Variants in KCNK2 observed in about 807,000 individuals in gnomAD.
The protein encoded by KCNK2 is potassium channel subfamily K member 2.
KCNK2 carries 21 observed loss-of-function variants against 40.5 expected under a neutral mutation model. The observed-to-expected ratio is 0.52, with a 90% CI of 0.37 to 0.75. The LOEUF (loss-of-function observed/expected upper bound fraction) is 0.75. Among genes scored for constraint, KCNK2 ranks in the 30% least tolerant of loss-of-function variants. KCNK2 has a pLI of 0.00. For missense variants in KCNK2, 399 were observed against 531.6 expected (o/e 0.75, Z 2.45); for synonymous variants, 191 against 202.2 (o/e 0.94, Z 0.47).
At chr1:215,175,705 G>A (rs2102642443) in intron 5 of KCNK2, among the ~76,000 whole-genome samples, 1 of 152,154 alleles carries the variant, frequency 6.6e-6, no homozygotes, top group South Asian at 2.1e-4. Flanking sequence ...TTATGTCCAT[G>A]AGTACCCATT....
chr1:215,119,606 T>C (rs1433253275), intron 2 of KCNK2, among the ~76,000 whole-genome samples: 1 of 152,254 alleles, frequency 6.6e-6, no homozygotes, highest in East Asian at 1.9e-4. Context: ...TCTTTTACTG[T>C]TTCTGTGGCA....
At chr1:215,177,740 A>ATGTTTTTTT (rs71167812) in intron 5 of KCNK2, among the ~76,000 whole-genome samples, 1 of 101,600 alleles carries the variant, frequency 9.8e-6, no homozygotes, top group Non-Finnish European at 2.0e-5. Context: ...ATATATATAT[A>ATGTTTTTTT]TTTTTTTTTT....
intron 1 of KCNK2, among the ~76,000 whole-genome samples, chr1:215,026,271 T>C (rs1275301872): frequency 6.6e-6 from 1 of 152,072 alleles, no homozygotes; most frequent in Non-Finnish European, 1.5e-5. Context: ...GTCATCTGCA[T>C]TGCAAACATG....
chr1:215,090,133 A>G (rs1206491688), intron 2 of KCNK2, among the ~76,000 whole-genome samples: 1 of 152,108 alleles, frequency 6.6e-6, no homozygotes, highest in Non-Finnish European at 1.5e-5. Context: ...GCCTGTTTAA[A>G]TTTTAAGAGC....
intron 3 of KCNK2, among the ~76,000 whole-genome samples, chr1:215,142,024 A>G (rs1662196201): frequency 6.6e-6 from 1 of 151,770 alleles, no homozygotes; most frequent in South Asian, 2.1e-4. Flanking sequence ...TTTTTTCTGT[A>G]ATTCTGGGAA....
intron 3 of KCNK2, among the ~76,000 whole-genome samples, chr1:215,155,805 C>T (rs1662894398): frequency 6.6e-6 from 1 of 152,166 alleles, no homozygotes; most frequent in African/African-American, 2.4e-5. Flanking sequence ...AGGCATGAAC[C>T]ACCACGCCAG....
chr1:215,235,255 C>A lies in KCNK2; in HGVS notation c.*110C>A. 1 of 848,314 alleles carries A rather than the reference C, an allele frequency of 1.2e-6. No individual in the cohort carries two copies. The highest frequency in any genetic ancestry group is 1.8e-6 in the Non-Finnish European group (1 of 550,338). The allele number at this position is 848,314 out of a possible 1,614,324, so 52.5% of individuals were successfully genotyped here. ...ATTGTGCATGAGCTCAAAGGGGGAA[C>A]AAAATAGATACACCCATCATGGTCA... On this transcript the variant is annotated 3_prime_UTR_variant, in exon 7 of 7. Coordinates refer to ENST00000444842, the MANE Select transcript of KCNK2 (RefSeq NM_001017425.3).
intron 2 of KCNK2, among the ~76,000 whole-genome samples, chr1:215,119,931 G>A (rs912615229): frequency 6.6e-6 from 1 of 152,178 alleles, no homozygotes; most frequent in Non-Finnish European, 1.5e-5. Flanking sequence ...CTCTACGTCA[G>A]TGAGTGGGAA....
intron 3 of KCNK2, among the ~76,000 whole-genome samples, chr1:215,128,227 T>G (rs1244366106): frequency 6.6e-6 from 1 of 152,054 alleles, no homozygotes; most frequent in Non-Finnish European, 1.5e-5. Context: ...GTGAAGAAAG[T>G]TGGAAAGGGA....
At chr1:215,007,091 ATATATATGTATATATATGTGTG>A (rs1178018994) in intron 1 of KCNK2, among the ~76,000 whole-genome samples, 2 of 107,022 alleles carry the variant, frequency 1.9e-5, no homozygotes, top group African/African-American at 6.4e-5. Flanking sequence ...ATGTGTGTAT[ATATATATGTATATATATGTGTG>A]TATATATGTA....
chr1:215,112,357 T>C (rs1660733394), intron 2 of KCNK2, among the ~76,000 whole-genome samples: 1 of 151,420 alleles, frequency 6.6e-6, no homozygotes, highest in Non-Finnish European at 1.5e-5. Flanking sequence ...AAAAATTAAA[T>C]AGTTAAAAAA....
chr1:215,085,522 C>T (rs1245749230), intron 1 of KCNK2, among the ~76,000 whole-genome samples: 1 of 152,216 alleles, frequency 6.6e-6, no homozygotes, highest in African/African-American at 2.4e-5. Flanking sequence ...TATAAATCCA[C>T]TCTAATGGAG....
intron 6 of KCNK2, among the ~76,000 whole-genome samples, chr1:215,209,908 C>G (rs1172223526): frequency 2.2e-5 from 1 of 46,500 alleles, no homozygotes; most frequent in Non-Finnish European, 3.7e-5. Context: ...TTTTGTTGAA[C>G]TTGTGTAGTT....
chr1:215,080,619 C>T (rs1424898804), upstream of KCNK2, among the ~76,000 whole-genome samples: 1 of 152,114 alleles, frequency 6.6e-6, no homozygotes, highest in Admixed American at 6.5e-5. Context: ...TTATGGTGAA[C>T]AGAGAGATAT....
At chr1:215,030,420 A>G (rs1250686703) in intron 1 of KCNK2, among the ~76,000 whole-genome samples, 1 of 152,064 alleles carries the variant, frequency 6.6e-6, no homozygotes, top group Non-Finnish European at 1.5e-5. Context: ...TTTATTGTTT[A>G]TACATACTTT....
At chr1:215,167,228 A>G (rs750148811) in intron 3 of KCNK2, among the ~76,000 whole-genome samples, 12 of 152,150 alleles carry the variant, frequency 7.9e-5, no homozygotes, top group Non-Finnish European at 1.8e-4. Flanking sequence ...ATTGACCATA[A>G]TAAAGCCACA....
At chr1:215,160,531 A>G (rs909663603) in intron 3 of KCNK2, among the ~76,000 whole-genome samples, 1 of 152,184 alleles carries the variant, frequency 6.6e-6, no homozygotes, top group African/African-American at 2.4e-5. Context: ...TTCTGACGTC[A>G]TTGATACCCA....
At chr1:215,234,797 T>A in intron 6 of KCNK2, 31 bp from the exon 7 acceptor site, 1 of 1,563,088 alleles carries the variant, frequency 6.4e-7, no homozygotes, top group South Asian at 1.1e-5. Context: ...CATGTCAATA[T>A]CTTTATCTTT....
intron 3 of KCNK2, among the ~76,000 whole-genome samples, chr1:215,155,941 ATATT>A (rs890203147): frequency 2.0e-5 from 3 of 152,198 alleles, no homozygotes; most frequent in African/African-American, 7.2e-5. Flanking sequence ...TCAGTCAAGA[ATATT>A]TATTGATTGT....
Sources: allele counts gnomAD v4.1 joint callset (sites outside exome capture counted in the v4.1 genomes callset), GRCh38; gene constraint gnomAD v4.1.1; transcripts MANE v1.5; gene names NCBI Gene and HGNC (gene_info 2026-07-23, HGNC 2026-07-21).